PPP1R14C: variants seen among roughly 807,000 people sequenced by gnomAD.
PPP1R14C encodes the protein protein phosphatase 1 regulatory inhibitor subunit 14C, also known as protein phosphatase 1 regulatory subunit 14C.
A neutral mutation model predicts 20.4 loss-of-function variants in PPP1R14C; 16 were observed. The observed-to-expected ratio is 0.78, with a 90% confidence interval of 0.53 to 1.19. The LOEUF (loss-of-function observed/expected upper bound fraction) is 1.19. Among genes scored for constraint, PPP1R14C ranks in the 50% most tolerant of loss-of-function variants. The pLI is 0.00. For synonymous variants in PPP1R14C, 91 were observed against 91.0 expected (o/e 1.00, Z 0.00); for missense variants, 211 against 220.1 (o/e 0.96, Z 0.26).
At position 150,196,084 on chromosome 6, in the gene PPP1R14C, C is replaced by G. The variant is rs142497161; in HGVS notation, c.307-18660C>G. 87 of 985,416 alleles carry G rather than the reference C, an allele frequency of 8.8e-5. No individual in the cohort carries two copies. In the South Asian group the frequency reaches 1.5e-3, roughly 17 times the overall value. 61.0% of individuals were successfully genotyped at this position (985,416 alleles called of 1,614,324 possible). On this transcript the variant is annotated intron_variant, in intron 1 of 3. Transcript: ENST00000361131. ...AACCGTAGTTCTGCTAGACCTCTCA[C>G]CCCTTTCTATAAATAGGAGCATCAA...
chr6:150,188,804 G>A (rs1388789858), intron 1 of PPP1R14C, among the ~76,000 whole-genome samples: 2 of 149,492 alleles, frequency 1.3e-5, no homozygotes, highest in Non-Finnish European at 3.0e-5. Flanking sequence ...CCTTCTTATG[G>A]GACATTTTTT....
In PPP1R14C at chr6:150,185,316, C is replaced by T. The variant is rs1777665016; in HGVS notation, c.307-29428C>T. Among the ~76,000 whole-genome samples, 1 of 152,172 alleles carries T rather than the reference C, an allele frequency of 6.6e-6. No individual in the cohort carries two copies. The highest frequency in any genetic ancestry group is 2.4e-5 in the African/African-American group (1 of 41,454). ...GTGCCTAGCAGTAGTCAGCCTGACA[C>T]CGACCATGTCTCATGAAAGTCACAC... On this transcript the variant is annotated intron_variant, in intron 1 of 3. Transcript: ENST00000361131. This position sits in a 1 kb window ranked among gnomAD's most constrained non-coding sequence, Gnocchi z 4.1.
chr6:150,157,656 C>A (rs151263548), intron 1 of PPP1R14C, among the ~76,000 whole-genome samples: 1 of 151,902 alleles, frequency 6.6e-6, no homozygotes, highest in South Asian at 2.1e-4. Flanking sequence ...GGGAGAATCT[C>A]ATGCCATGTC....
In PPP1R14C at chr6:150,185,717, C is replaced by T. The variant is rs142190557; in HGVS notation, c.307-29027C>T. Among the ~76,000 whole-genome samples, 8 of 152,222 alleles carry T rather than the reference C, an allele frequency of 5.3e-5. No individual in the cohort carries two copies. In the East Asian group the frequency reaches 1.6e-3, roughly 30 times the overall value. On this transcript the variant is annotated intron_variant, in intron 1 of 3. Coordinates refer to ENST00000361131, the MANE Select transcript of PPP1R14C (RefSeq NM_030949.3). The surrounding 1 kb of genome is among the most constrained non-coding windows in gnomAD (Gnocchi z 4.1). Reference sequence around the variant, plus strand: ...GGTGAGGATAGGCGAGGCTATGTTACACTCAGGAGTGACCCAAACTTTCAG... The same window carrying T: ...GGTGAGGATAGGCGAGGCTATGTTATACTCAGGAGTGACCCAAACTTTCAG...
rs118048463 is a variant in PPP1R14C, at chr6:150,248,801, C to A, written c.479C>A (p.Pro160Gln). 3.7e-6 allele frequency: 6 copies of A among 1,612,104 alleles called. No individual in the cohort carries two copies. The South Asian group carries it at 6.6e-5, about 18-fold the overall frequency. The change falls in exon 4 of 4, where the codon CCG becomes CAG. Residue 160 changes from proline to glutamine, a missense_variant. Transcript: ENST00000361131. ...AGAGGCATGAGGAAACTGAGCCCTCCGCAGAAGAAGAGTGTATGATTCTGG... is the reference window on the plus strand; with the variant it reads ...AGAGGCATGAGGAAACTGAGCCCTCAGCAGAAGAAGAGTGTATGATTCTGG... The part of the protein sequence containing the change: ...RIRGMRKLSP[P>Q]QKKSV
At chr6:150,233,806 CA>C (rs1431478925) in intron 3 of PPP1R14C, among the ~76,000 whole-genome samples, 3 of 152,158 alleles carry the variant, frequency 2.0e-5, no homozygotes, top group African/African-American at 7.2e-5. Flanking sequence ...TTTTCCAGTT[CA>C]GTGTGGCTAG....
intron 3 of PPP1R14C, among the ~76,000 whole-genome samples, chr6:150,235,105 A>G (rs1295418596): frequency 1.3e-5 from 2 of 152,144 alleles, no homozygotes; most frequent in African/African-American, 4.8e-5. Context: ...TTGTGTTTTA[A>G]TAGGCAGGAT....
chr6:150,206,061 C>T (rs1777946033), intron 1 of PPP1R14C, among the ~76,000 whole-genome samples: 1 of 152,098 alleles, frequency 6.6e-6, no homozygotes, highest in South Asian at 2.1e-4. Flanking sequence ...GTCCCTTCCC[C>T]CACCATGGCC....
rs575895974 is a variant in PPP1R14C, at chr6:150,207,445, C to G, written c.307-7299C>G. On this transcript the variant is annotated intron_variant, in intron 1 of 3. Transcript: ENST00000361131. ...CGCATCAGGCAAGCTCATCTCCATGCCTTGCGTGCTCCCCAGCTTGTCAAG... is the reference window on the plus strand; with the variant it reads ...CGCATCAGGCAAGCTCATCTCCATGGCTTGCGTGCTCCCCAGCTTGTCAAG... 5.6e-4 allele frequency among the ~76,000 whole-genome samples: 86 copies of G among 152,336 alleles called. 1 individual carries two copies. The highest frequency in any genetic ancestry group is 9.8e-4 in the Admixed American group (15 of 15,310).
chr6:150,159,588 A>C (rs1191814883), intron 1 of PPP1R14C, among the ~76,000 whole-genome samples: 1 of 148,424 alleles, frequency 6.7e-6, no homozygotes. Flanking sequence ...TCCACCCACC[A>C]GTCCCTTCGT....
chr6:150,215,452 T>A (rs1778079243), intron 2 of PPP1R14C, among the ~76,000 whole-genome samples: 1 of 152,244 alleles, frequency 6.6e-6, no homozygotes, highest in Non-Finnish European at 1.5e-5. Context: ...CTAAAACCAA[T>A]TAACTTTTGA....
In PPP1R14C at chr6:150,236,613, C is replaced by CTGTGTGTGTGTGTG. The variant is rs142109127; in HGVS notation, c.424-12120_424-12107dup. Among the ~76,000 whole-genome samples the CTGTGTGTGTGTGTG allele has an allele frequency of 5.1e-3, 735 of 144,570 alleles. 8 individuals are homozygous for CTGTGTGTGTGTGTG. Among genetic ancestry groups the CTGTGTGTGTGTGTG allele is most frequent in the African/African-American group, 0.012 (476 of 38,524 alleles). 94.8% of individuals were successfully genotyped at this position (144,570 alleles called of 152,430 possible). ...AAGCGGAGGGAGGTGGTTGGTGCCA[C>CTGTGTGTGTGTGTG]TGTGTGTGTGTGTGTGTGTGTGTGT... On this transcript the variant is annotated intron_variant, in intron 3 of 3. Coordinates refer to ENST00000361131, the MANE Select transcript of PPP1R14C (RefSeq NM_030949.3).
intron 1 of PPP1R14C, among the ~76,000 whole-genome samples, chr6:150,200,154 T>A (rs917796659): frequency 1.3e-5 from 2 of 149,432 alleles, no homozygotes. Flanking sequence ...TATATTAATA[T>A]TTGAGGGCTT....
chr6:150,212,540 T>C (rs929207362), intron 1 of PPP1R14C, among the ~76,000 whole-genome samples: 5 of 152,228 alleles, frequency 3.3e-5, no homozygotes, highest in Non-Finnish European at 5.9e-5. Flanking sequence ...AACCCATTGC[T>C]GTGCTGTTCT....
rs1562538665 is a variant in PPP1R14C at position 150,150,562 on chromosome 6, T to C, written c.306+7064T>C. Reference sequence around the variant, plus strand: ...CTCTGTCAAGAAGTCTCTTTCTAGATGGAGGGAAGAATCAAATCTGAATTT... The same window carrying C: ...CTCTGTCAAGAAGTCTCTTTCTAGACGGAGGGAAGAATCAAATCTGAATTT... On this transcript the variant is annotated intron_variant, in intron 1 of 3. Transcript: ENST00000361131. 2.0e-5 allele frequency among the ~76,000 whole-genome samples: 3 copies of C among 152,328 alleles called. No homozygotes were observed. The South Asian group carries it at 6.2e-4, about 32-fold the overall frequency.
intron 1 of PPP1R14C, among the ~76,000 whole-genome samples, chr6:150,147,326 C>T (rs923989699): frequency 4.9e-4 from 75 of 152,094 alleles, no homozygotes; most frequent in Admixed American, 4.7e-3. Flanking sequence ...GCTGCAGATG[C>T]GTGCCACCAT....
intron 1 of PPP1R14C, among the ~76,000 whole-genome samples, chr6:150,163,222 T>G (rs1030768452): frequency 2.0e-5 from 3 of 152,152 alleles, no homozygotes; most frequent in Non-Finnish European, 4.4e-5. Flanking sequence ...AAACCCCGTT[T>G]CTACTAAAAG....
At chr6:150,158,473 C>A (rs1396256672) in intron 1 of PPP1R14C, among the ~76,000 whole-genome samples, 1 of 152,124 alleles carries the variant, frequency 6.6e-6, no homozygotes, top group African/African-American at 2.4e-5. Context: ...TACCTTTCTG[C>A]AATGGGAGCT....
chr6:150,237,442 A>T (rs1269274310), intron 3 of PPP1R14C, among the ~76,000 whole-genome samples: 2 of 152,112 alleles, frequency 1.3e-5, no homozygotes. Flanking sequence ...ACCTCAGGTG[A>T]TCTGCTTGCC....
Sources: allele counts gnomAD v4.1 joint callset (sites outside exome capture counted in the v4.1 genomes callset), GRCh38; gene constraint gnomAD v4.1.1; non-coding constraint Gnocchi (gnomAD v3.1); transcripts MANE v1.5; gene names NCBI Gene and HGNC (gene_info 2026-07-23, HGNC 2026-07-21).